TTC5: variants seen among roughly 807,000 people sequenced by gnomAD.
The protein encoded by TTC5 is tetratricopeptide repeat domain 5.
A neutral mutation model predicts 57.4 loss-of-function variants in TTC5; 46 were observed. The observed-to-expected ratio is 0.80, with a 90% CI of 0.63 to 1.03. TTC5 has a LOEUF of 1.03. Ranked by LOEUF, TTC5 falls within the 50% of genes least tolerant of loss-of-function variation. TTC5 has a pLI of 0.00. For missense variants in TTC5, 504 were observed against 528.1 expected, an observed-to-expected ratio of 0.95 and a Z score of 0.45; for synonymous variants, 190 against 203.5, an observed-to-expected ratio of 0.93 and a Z score of 0.57.
At chr14:20,300,143 G>GTATGTGTGTGTGTA (rs56828704) in intron 3 of TTC5, among the ~76,000 whole-genome samples, 1 of 27,148 alleles carries the variant, frequency 3.7e-5, no homozygotes, top group South Asian at 1.2e-3. Flanking sequence ...TCTGGTCCAT[G>GTATGTGTGTGTGTA]TATATATATA....
Position 20,291,063 on chromosome 14 carries a change from C to CT in TTC5, c.1203+919dup, listed in dbSNP as rs201999119. Among the ~76,000 whole-genome samples the CT allele has an allele frequency of 3.9e-3, 578 of 148,996 alleles. 2 individuals are homozygous for CT. Among genetic ancestry groups the CT allele is most frequent in the African/African-American group, 0.011 (445 of 40,670 alleles). ...ACACAGAAACCACACTCTTGTTTTTCTTTTTTTTTTGAGGCAGACTTTCTC... is the reference window on the plus strand; with the variant it reads ...ACACAGAAACCACACTCTTGTTTTTCTTTTTTTTTTTGAGGCAGACTTTCTC... On this transcript the variant is annotated intron_variant, in intron 9 of 9. Transcript: ENST00000258821.
At chr14:20,299,804 CA>C (rs199984994) in intron 3 of TTC5, among the ~76,000 whole-genome samples, 2,020 of 149,304 alleles carry the variant, frequency 0.014, 21 homozygotes, top group Middle Eastern at 0.029. Context: ...CTGCCTGCCT[CA>C]GCCTCCCAAA....
At chr14:20,295,984 C>T (rs1882054643) in intron 6 of TTC5, 130 bp from the exon 7 acceptor site, 1 of 897,770 alleles carries the variant, frequency 1.1e-6, no homozygotes, top group East Asian at 2.7e-5. Flanking sequence ...CTGCAACAAA[C>T]AGCCTGAAGA....
chr14:20,305,914 T>C lies in TTC5; in HGVS notation c.24A>G (p.Glu8=). 6.2e-7 allele frequency: 1 copy of C among 1,614,142 alleles called. No homozygotes were observed. Among genetic ancestry groups the C allele is most frequent in the Non-Finnish European group, 8.5e-7 (1 of 1,180,016 alleles). MMADEEE[E]VKPILQKLQE... is the part of the protein sequence containing the mutation. The stretch of plus-strand genomic sequence containing the variant: ...GCAATTTCTGCAAGATCGGCTTGAC[T>C]TCTTCCTCTTCATCAGCCATCATCT... The change falls in exon 1 of 10, where the codon GAA becomes GAG. Residue 8 remains glutamate (E), a synonymous_variant. Transcript: ENST00000258821.
intron 1 of TTC5, 68 bp downstream of exon 1, chr14:20,305,819 C>G: frequency 6.8e-7 from 1 of 1,475,712 alleles, no homozygotes; most frequent in South Asian, 1.1e-5. Context: ...ACGGGCAGTA[C>G]ATAAACTGGA....
Position 20,293,247 on chromosome 14 carries a change from A to C in TTC5, c.1059-1120T>G, listed in dbSNP as rs1881994925. 2 of 152,354 alleles carry C rather than the reference A, an allele frequency of 1.3e-5. 1 individual carries two copies. The highest frequency in any genetic ancestry group is 4.1e-4 in the South Asian group (2 of 4,824). 9.4% of individuals were successfully genotyped at this position (152,354 alleles called of 1,614,324 possible). Reference sequence around the variant, plus strand: ...TAAGTGGATGAGAACACAAATGTTCAATGTAAAACTCTTTCAACTTAGCTA... The same window carrying C: ...TAAGTGGATGAGAACACAAATGTTCCATGTAAAACTCTTTCAACTTAGCTA... On this transcript the variant is annotated intron_variant, in intron 8 of 9. Coordinates refer to ENST00000258821, the MANE Select transcript of TTC5 (RefSeq NM_138376.3).
At position 20,300,779 on chromosome 14, in the gene TTC5, C is replaced by G. The variant is rs1882173475; in HGVS notation, c.224G>C (p.Gly75Ala). ...QGKAQVLMLTGKALNVTPDYS... is the reference protein window; with the variant it reads ...QGKAQVLMLTAKALNVTPDYS... ...GTCAGGAGTCACATTTAGTGCTTTC[C>G]CAGTTAGCATTAGAACTTGTGCCTT... The change falls in exon 3 of 10, where the codon GGG becomes GCG. Residue 75 changes from glycine to alanine, a missense_variant. Gly to Ala is a moderately conservative substitution (Grantham distance 60, BLOSUM62 0). Coordinates refer to ENST00000258821, the MANE Select transcript of TTC5 (RefSeq NM_138376.3). 6.2e-7 allele frequency: 1 copy of G among 1,614,058 alleles called. No homozygotes were observed. The highest frequency in any genetic ancestry group is 1.3e-5 in the African/African-American group (1 of 75,002).
At chr14:20,296,512 TG>T (rs1882067582) in intron 5 of TTC5, 66 bp from the exon 6 acceptor site, 2 of 1,245,402 alleles carry the variant, frequency 1.6e-6, no homozygotes, top group East Asian at 4.6e-5. Context: ...ATGCCCAACA[TG>T]TCCTACGCCT....
intron 3 of TTC5, among the ~76,000 whole-genome samples, chr14:20,300,038 C>T (rs917868208): frequency 4.6e-5 from 7 of 150,638 alleles, no homozygotes; most frequent in Non-Finnish European, 8.9e-5. Flanking sequence ...CAGGGTTTCA[C>T]CATGTTGGCC....
intron 8 of TTC5, chr14:20,292,536 G>T (rs1423848090): frequency 1.3e-5 from 2 of 152,456 alleles, no homozygotes; most frequent in African/African-American, 4.8e-5. Context: ...CTTAACCAAA[G>T]CCTCTAACCA....
intron 3 of TTC5, among the ~76,000 whole-genome samples, chr14:20,299,698 A>C (rs1209779677): frequency 6.6e-6 from 1 of 151,932 alleles, no homozygotes; most frequent in Non-Finnish European, 1.5e-5. Flanking sequence ...GACTACAGGT[A>C]TGCACCACCA....
At chr14:20,298,338 G>GT (rs1232967498) in intron 5 of TTC5, among the ~76,000 whole-genome samples, 4 of 152,116 alleles carry the variant, frequency 2.6e-5, no homozygotes, top group African/African-American at 9.7e-5. Context: ...GCTACACATT[G>GT]TTTTCTCTTT....
intron 1 of TTC5, among the ~76,000 whole-genome samples, chr14:20,302,673 C>A (rs1420712677): frequency 1.3e-5 from 2 of 152,096 alleles, no homozygotes; most frequent in Non-Finnish European, 2.9e-5. Flanking sequence ...TCACACCAGG[C>A]AAAGCTTTTC....
chr14:20,300,566 C>A, intron 3 of TTC5, 41 bp downstream of exon 3: 2 of 1,538,920 alleles, frequency 1.3e-6, no homozygotes, highest in Non-Finnish European at 8.8e-7. Flanking sequence ...GAAATTCATC[C>A]TTCCCATCTC....
At chr14:20,299,241 C>A in intron 4 of TTC5, 57 bp downstream of exon 4, 1 of 1,579,258 alleles carries the variant, frequency 6.3e-7, no homozygotes, top group South Asian at 1.1e-5. Context: ...GCAAATGTTG[C>A]TCTGATTGAA....
In TTC5 at chr14:20,295,850, T is replaced by C; in HGVS notation, c.701A>G (p.His234Arg). 6.3e-7 allele frequency: 1 copy of C among 1,581,706 alleles called. No homozygotes were observed. The highest frequency in any genetic ancestry group is 2.0e-5 in the Admixed American group (1 of 49,374). The change falls in exon 7 of 10, where the codon CAT (histidine) becomes CGT (arginine). Residue 234 changes from histidine (H) to arginine (R), a missense_variant. Coordinates refer to ENST00000258821, the MANE Select transcript of TTC5 (RefSeq NM_138376.3). ...CTCCCCATAACTCTCTTCATATTTA[T>C]GCAACTGTACAAGAAGTGTATCCCA... ...PDLHLNRATL[H>R]KYEESYGEAL...
In TTC5 at chr14:20,291,991, T is replaced by C. The variant is rs777352916; in HGVS notation, c.1195A>G (p.Lys399Glu). The C allele has an allele frequency of 3.2e-6, 5 of 1,583,490 alleles. No individual in the cohort carries two copies. The South Asian group carries it at 4.7e-5, about 15-fold the overall frequency. ...PNLRLHRIQH[K>E]GKDYSFSSVR... ...TCCTAGCCATTGCTCACCTTTCCTT[T>C]GTGCTGAATTCGGTGAAGCCGCAGG... The change falls in exon 9 of 10, where the codon AAA (lysine) becomes GAA (glutamate). Residue 399 changes from lysine (K) to glutamate (E), a missense_variant. By Grantham distance (56) the Lys-to-Glu change is moderately conservative. Transcript: ENST00000258821.
intron 9 of TTC5, among the ~76,000 whole-genome samples, chr14:20,291,431 T>C (rs1881950457): frequency 6.6e-6 from 1 of 152,214 alleles, no homozygotes; most frequent in African/African-American, 2.4e-5. Context: ...CTGATCTAAA[T>C]GGTTAAACAG....
chr14:20,297,236 T>C (rs373159047), intron 5 of TTC5, among the ~76,000 whole-genome samples: 17 of 152,076 alleles, frequency 1.1e-4, no homozygotes, highest in East Asian at 3.9e-4. Flanking sequence ...CTAACTAAAA[T>C]AGATGGCCAG....
Sources: gnomAD v4.1 joint callset for allele counts (sites outside exome capture counted in the v4.1 genomes callset) on GRCh38, gnomAD v4.1.1 for gene constraint, MANE v1.5 for transcripts, NCBI Gene and HGNC (gene_info 2026-07-23, HGNC 2026-07-21) for gene names.